Variants in NFIB observed in about 807,000 individuals in gnomAD.
The protein encoded by NFIB is nuclear factor I B.
Under a neutral mutation model 61.5 loss-of-function variants are expected in NFIB, and 11 were observed. That is an observed-to-expected ratio of 0.18 (90% confidence interval 0.11 to 0.30). The LOEUF (loss-of-function observed/expected upper bound fraction) is 0.30. Ranked by LOEUF, NFIB falls within the 10% of genes least tolerant of loss-of-function variation. The pLI is 1.00. For synonymous variants in NFIB, 260 were observed against 216.5 expected, an observed-to-expected ratio of 1.20 and a Z score of -1.76; for missense variants, 471 against 608.9, an observed-to-expected ratio of 0.77 and a Z score of 2.38.
At chr9:14,158,920 A>G (rs1026933881) in intron 3 of NFIB, among the ~76,000 whole-genome samples, 7 of 152,260 alleles carry the variant, frequency 4.6e-5, no homozygotes, top group African/African-American at 1.7e-4. Flanking sequence ...ACATCGATGA[A>G]TAAGTGATGA....
chr9:14,336,982 A>G (rs1219224828), intron 1 of NFIB, among the ~76,000 whole-genome samples: 1 of 152,222 alleles, frequency 6.6e-6, no homozygotes, highest in African/African-American at 2.4e-5. Flanking sequence ...TTATATATGG[A>G]TACTGAAATT....
chr9:14,322,056 T>C, intron 1 of NFIB: 1 of 1,219,804 alleles, frequency 8.2e-7, no homozygotes, highest in Non-Finnish European at 1.0e-6. Context: ...GTTGTTTTGG[T>C]GTCGCTTTTT....
intron 5 of NFIB, among the ~76,000 whole-genome samples, chr9:14,149,831 T>C (rs1449184532): frequency 6.6e-6 from 1 of 152,174 alleles, no homozygotes; most frequent in African/African-American, 2.4e-5. Context: ...AGCAACATCA[T>C]TTTTAAAGCC....
the NFIB span, among the ~76,000 whole-genome samples, chr9:14,490,836 G>T: frequency 6.6e-6 from 1 of 152,104 alleles, no homozygotes; most frequent in Non-Finnish European, 1.5e-5. Flanking sequence ...CACTACTTTG[G>T]AAAGTCATTT....
At chr9:14,454,762 A>G in the NFIB span, among the ~76,000 whole-genome samples, 5 of 152,338 alleles carry the variant, frequency 3.3e-5, no homozygotes, top group South Asian at 6.2e-4. Context: ...ATGTTATAGT[A>G]CCAGTCCCAA....
the NFIB span, among the ~76,000 whole-genome samples, chr9:14,499,036 G>C: frequency 3.4e-4 from 52 of 151,898 alleles, no homozygotes; most frequent in African/African-American, 1.2e-3. Flanking sequence ...ACGTGTGTGT[G>C]TGCACGTGTG....
chr9:14,287,872 C>CA (rs1372386034), intron 2 of NFIB, among the ~76,000 whole-genome samples: 1 of 151,850 alleles, frequency 6.6e-6, no homozygotes, highest in Non-Finnish European at 1.5e-5. Flanking sequence ...CTTTTAGCAG[C>CA]AAAAAAGTAT....
chr9:14,097,875 C>CTTTTTTTTTTT (rs71321962), intron 10 of NFIB, among the ~76,000 whole-genome samples: 74 of 110,846 alleles, frequency 6.7e-4, no homozygotes, highest in East Asian at 8.2e-4. Context: ...TTTCTTTTTT[C>CTTTTTTTTTTT]TTTTTTTTTT....
Position 14,083,055 on chromosome 9 carries a change from C to G in NFIB, c.*5254G>C, listed in dbSNP as rs985243057. On this transcript the variant is annotated 3_prime_UTR_variant, in exon 11 of 11. Coordinates refer to ENST00000380953, the MANE Select transcript of NFIB (RefSeq NM_001190737.2). ...CAACATACATTTGAATTGCAACACA[C>G]AGATATTTCTAGAGTATTAACTAGT... The G allele has an allele frequency of 9.8e-6, 2 of 204,952 alleles. No homozygotes were observed. Among genetic ancestry groups the G allele is most frequent in the African/African-American group, 4.6e-5 (2 of 43,024 alleles). 12.7% of individuals were successfully genotyped at this position (204,952 alleles called of 1,614,324 possible).
chr9:14,455,780 A>G, the NFIB span, among the ~76,000 whole-genome samples: 3 of 152,240 alleles, frequency 2.0e-5, no homozygotes, highest in African/African-American at 4.8e-5. Flanking sequence ...TTAGGGAACT[A>G]GACTAGAAAA....
In NFIB at chr9:14,268,130, A is replaced by G. The variant is rs956207577; in HGVS notation, c.562+38859T>C. On this transcript the variant is annotated intron_variant, in intron 2 of 10. Coordinates refer to ENST00000380953, the MANE Select transcript of NFIB (RefSeq NM_001190737.2). ...AGCAAGATTCCATCTCAAAAAAAAA[A>G]AAAAAATTATATACTGTACCCAAAA... Among the ~76,000 whole-genome samples the G allele has an allele frequency of 3.8e-3, 585 of 152,180 alleles. 4 individuals carry two copies. The highest frequency in any genetic ancestry group is 0.014 in the African/African-American group (569 of 41,512).
chr9:14,451,068 C>T, the NFIB span, among the ~76,000 whole-genome samples: 1 of 152,194 alleles, frequency 6.6e-6, no homozygotes, highest in East Asian at 1.9e-4. Flanking sequence ...CACATTACCT[C>T]GGTGAAGCCT....
rs775384341 is a variant in NFIB, at chr9:14,304,012, T to C, written c.562+2977A>G. 2.3e-4 allele frequency among the ~76,000 whole-genome samples: 35 copies of C among 152,258 alleles called. 1 individual carries two copies. The highest frequency in any genetic ancestry group is 6.5e-4 in the Admixed American group (10 of 15,286). ...TGGACTGAATTGCGGTCAACCAGAC[T>C]ACATGCATAGTAGCCGAATAACAAA... On this transcript the variant is annotated intron_variant, in intron 2 of 10. Transcript: ENST00000380953.
the NFIB span, among the ~76,000 whole-genome samples, chr9:14,411,003 A>G: frequency 2.6e-5 from 4 of 152,310 alleles, no homozygotes; most frequent in Admixed American, 6.5e-5. Flanking sequence ...AAATATGTCA[A>G]TTTTTACCAA....
At chr9:14,146,907 A>G in intron 5 of NFIB, 100 bp from the exon 6 acceptor site, 1 of 1,479,446 alleles carries the variant, frequency 6.8e-7, no homozygotes, top group Non-Finnish European at 9.2e-7. Flanking sequence ...GAAAATTTTC[A>G]TAAGCACAAG....
At chr9:14,369,890 T>C (rs183870447) in intron 1 of NFIB, among the ~76,000 whole-genome samples, 8 of 152,290 alleles carry the variant, frequency 5.3e-5, no homozygotes, top group African/African-American at 1.9e-4. Flanking sequence ...TAGACTCTCA[T>C]AACCTAGAGC....
At chr9:14,197,619 A>T (rs2048604391) in intron 2 of NFIB, among the ~76,000 whole-genome samples, 1 of 152,188 alleles carries the variant, frequency 6.6e-6, no homozygotes, top group Non-Finnish European at 1.5e-5. Flanking sequence ...AAGAAAAAAT[A>T]TGCTGTTTAT....
intron 2 of NFIB, among the ~76,000 whole-genome samples, chr9:14,182,470 T>C (rs781190418): frequency 3.3e-5 from 5 of 152,174 alleles, no homozygotes; most frequent in Admixed American, 3.3e-4. Context: ...TGTCACCTTA[T>C]ATCGGTCACT....
At chr9:14,221,316 A>G (rs1321288482) in intron 2 of NFIB, among the ~76,000 whole-genome samples, 1 of 152,234 alleles carries the variant, frequency 6.6e-6, no homozygotes, top group African/African-American at 2.4e-5. Context: ...GAACTATGCT[A>G]GACATGCATT....
Sources: allele counts gnomAD v4.1 joint callset (sites outside exome capture counted in the v4.1 genomes callset), GRCh38; gene constraint gnomAD v4.1.1; transcripts MANE v1.5; gene names NCBI Gene and HGNC (gene_info 2026-07-23, HGNC 2026-07-21).